Variants in BBOF1 observed in about 807,000 individuals in gnomAD.
The protein encoded by BBOF1 is basal body-orientation factor 1.
A neutral mutation model predicts 68.0 loss-of-function variants in BBOF1; 62 were observed. That is an observed-to-expected ratio of 0.91 (90% confidence interval 0.74 to 1.13). The LOEUF is 1.13. BBOF1 is among the 50% of genes most tolerant of loss of function. The pLI, the probability that BBOF1 is intolerant of heterozygous loss-of-function variation, is 0.00. For missense variants in BBOF1, 534 were observed against 600.1 expected (o/e 0.89, Z 1.15); for synonymous variants, 208 against 198.8 (o/e 1.05, Z -0.39).
chr14:74,037,135 G>A (rs1335148915), intron 4 of BBOF1, among the ~76,000 whole-genome samples: 1 of 150,276 alleles, frequency 6.7e-6, no homozygotes, highest in Non-Finnish European at 1.5e-5. Flanking sequence ...ACCATGCCCG[G>A]CTAATTTTTT....
At chr14:74,061,681 A>G (rs138026242) in intron 11 of BBOF1, among the ~76,000 whole-genome samples, 86 of 152,262 alleles carry the variant, frequency 5.6e-4, no homozygotes, top group African/African-American at 1.9e-3. Flanking sequence ...GGCAAACCCA[A>G]AGTATCTTAG....
chr14:74,067,423 CAG>C (rs765753727), downstream of BBOF1: 3 of 1,613,908 alleles, frequency 1.9e-6, no homozygotes, highest in Non-Finnish European at 2.5e-6. Context: ...CCAGCTCTGG[CAG>C]CCACTTCTTG....
Position 74,029,185 on chromosome 14 carries a change from T to C in BBOF1, c.287T>C (p.Ile96Thr), listed in dbSNP as rs1022697188. ...ACCCTGTATTTTGATTTTCAACAGA[T>C]TGAAAAACTGAAACAGCAATTAAAT... is the stretch of plus-strand genomic sequence containing the variant. ...KKQDQEKDNM[I>T]EKLKQQLNET... The change falls in exon 3 of 12, where the codon ATT (isoleucine) becomes ACT (threonine). Residue 96 changes from isoleucine to threonine, a missense_variant and splice_region_variant. Transcript: ENST00000394009. 10 of 1,552,576 alleles carry C rather than the reference T, an allele frequency of 6.4e-6. No homozygotes were observed. The highest frequency in any genetic ancestry group is 1.7e-4 in the Middle Eastern group (1 of 5,994).
At chr14:74,033,054 A>G (rs1248669838) in intron 3 of BBOF1, among the ~76,000 whole-genome samples, 9 of 150,228 alleles carry the variant, frequency 6.0e-5, no homozygotes, top group Middle Eastern at 3.4e-3. Context: ...CTTCCTCTTT[A>G]TTAGGGATAT....
At position 74,020,656 on chromosome 14, in the gene BBOF1, AC is replaced by A. The variant is rs1186909680; in HGVS notation, c.56+1124del. On this transcript the variant is annotated intron_variant, in intron 1 of 11. Transcript: ENST00000394009. ...GTAGCTGTGATTACAGGCACCCGTC[AC>A]CACGCCCAGCTAATTTTTTTATTTT... 4.6e-5 allele frequency among the ~76,000 whole-genome samples: 7 copies of A among 152,258 alleles called. No individual in the cohort carries two copies. In the East Asian group the frequency reaches 1.2e-3, roughly 25 times the overall value.
chr14:74,054,893 G>C (rs1595085566), intron 8 of BBOF1: 1 of 156,376 alleles, frequency 6.4e-6, no homozygotes, highest in East Asian at 1.9e-4. Context: ...TGGCCAGGCT[G>C]GTCTCGAACT....
At chr14:74,046,690 C>T (rs923387038) in intron 6 of BBOF1, 1 of 152,334 alleles carries the variant, frequency 6.6e-6, no homozygotes, top group African/African-American at 2.4e-5. Flanking sequence ...GACTTTGGTT[C>T]TCAACATGTA....
At chr14:74,019,584 T>G in intron 1 of BBOF1, 50 bp downstream of exon 1, 1 of 1,552,066 alleles carries the variant, frequency 6.4e-7, no homozygotes, top group Non-Finnish European at 8.7e-7. Context: ...TGCCTGGGAT[T>G]TCGGGTCTGG....
downstream of BBOF1, chr14:74,067,390 T>A: frequency 6.2e-7 from 1 of 1,613,372 alleles, no homozygotes; most frequent in Non-Finnish European, 8.5e-7. Flanking sequence ...CTGCATTGAC[T>A]CTCAGGTTTT....
intron 11 of BBOF1, among the ~76,000 whole-genome samples, chr14:74,064,310 A>AT (rs1566827467): frequency 7.1e-6 from 1 of 140,222 alleles, no homozygotes; most frequent in Non-Finnish European, 1.5e-5. Context: ...AAAAAAAAAA[A>AT]ATAATAATAA....
At chr14:74,026,444 CAAAAAAAAAAAAA>C (rs1166375665) in intron 2 of BBOF1, among the ~76,000 whole-genome samples, 1 of 33,082 alleles carries the variant, frequency 3.0e-5, no homozygotes, top group African/African-American at 1.1e-4. Flanking sequence ...AACTCCATCT[CAAAAAAAAAAAAA>C]AAAAAAAAAA....
chr14:74,025,667 C>G (rs1235795684), intron 2 of BBOF1, among the ~76,000 whole-genome samples: 6 of 152,118 alleles, frequency 3.9e-5, no homozygotes, highest in Non-Finnish European at 2.9e-5. Context: ...TTTAGAATAT[C>G]TAGATTTTTT....
In BBOF1 at chr14:74,073,790, C is replaced by T. The variant is rs375617497; in HGVS notation, n.1380-4406C>T. Reference sequence around the variant, plus strand: ...AAAATCAACTGGTTTTGGTGGCATGCGACTGTAATCCTAGCTATTCGGGAG... The same window carrying T: ...AAAATCAACTGGTTTTGGTGGCATGTGACTGTAATCCTAGCTATTCGGGAG... On this transcript the variant is annotated intron_variant and non_coding_transcript_variant, in intron 9 of 12. Coordinates refer to the BBOF1 transcript ENST00000492026. 2.4e-4 allele frequency among the ~76,000 whole-genome samples: 37 copies of T among 151,658 alleles called. No individual in the cohort carries two copies. The East Asian group carries it at 3.4e-3, about 14-fold the overall frequency.
At chr14:74,042,793 G>A (rs145944532) in intron 5 of BBOF1, among the ~76,000 whole-genome samples, 1 of 151,938 alleles carries the variant, frequency 6.6e-6, no homozygotes, top group Non-Finnish European at 1.5e-5. Flanking sequence ...GGATGACAGA[G>A]TAAGACCCTG....
chr14:74,052,160 T>C lies in BBOF1; in HGVS notation c.1286+1965T>C, dbSNP rs141164980. Among the ~76,000 whole-genome samples the C allele has an allele frequency of 1.5e-4, 23 of 151,914 alleles. No individual in the cohort carries two copies. The East Asian group carries it at 4.0e-3, about 27-fold the overall frequency. On this transcript the variant is annotated intron_variant, in intron 8 of 11. Transcript: ENST00000394009. ...ACCATATATAAGGCAGTTTTCTTTATATCCTTTTGTTTACGAAATAGTAAG... is the reference window on the plus strand; with the variant it reads ...ACCATATATAAGGCAGTTTTCTTTACATCCTTTTGTTTACGAAATAGTAAG...
intron 11 of BBOF1, chr14:74,059,278 A>T (rs1272940583): frequency 2.5e-6 from 1 of 405,590 alleles, no homozygotes; most frequent in Non-Finnish European, 4.9e-6. Context: ...AAAAGAATAT[A>T]TAAAATTTGG....
intron 10 of BBOF1, among the ~76,000 whole-genome samples, chr14:74,079,240 G>T (rs2060645686): frequency 6.6e-6 from 1 of 151,502 alleles, no homozygotes. Flanking sequence ...ACTTTGGGAG[G>T]CTGAGGTGGG....
intron 11 of BBOF1, chr14:74,059,848 C>T (rs2060301702): frequency 6.5e-6 from 1 of 153,830 alleles, no homozygotes. Context: ...GAGAAGTGAT[C>T]TTAAGCAGGA....
At chr14:74,044,285 A>T (rs2059899242) in intron 5 of BBOF1, among the ~76,000 whole-genome samples, 1 of 151,780 alleles carries the variant, frequency 6.6e-6, no homozygotes, top group South Asian at 2.1e-4. Flanking sequence ...ATAAATAATA[A>T]AACGACCTCC....
Sources: gnomAD v4.1 joint callset for allele counts (sites outside exome capture counted in the v4.1 genomes callset) on GRCh38, gnomAD v4.1.1 for gene constraint, MANE v1.5 for transcripts, NCBI Gene and HGNC (gene_info 2026-07-23, HGNC 2026-07-21) for gene names.